NRG3: variants seen among roughly 807,000 people sequenced by gnomAD.
NRG3 encodes neuregulin 3, also known as pro-neuregulin-3, membrane-bound isoform.
Under a neutral mutation model 66.9 loss-of-function variants are expected in NRG3, and 31 were observed. The observed-to-expected ratio is 0.46, with a 90% confidence interval of 0.35 to 0.63. The LOEUF is 0.63. Among genes scored for constraint, NRG3 ranks in the 20% least tolerant of loss-of-function variants. NRG3 has a pLI of 0.00. For synonymous variants in NRG3, 393 were observed against 359.4 expected (o/e 1.09, Z -1.06); for missense variants, 910 against 878.9 (o/e 1.04, Z -0.45).
intron 2 of NRG3, among the ~76,000 whole-genome samples, chr10:82,718,909 T>C (rs1236482244): frequency 6.6e-6 from 1 of 152,216 alleles, no homozygotes; most frequent in Non-Finnish European, 1.5e-5. Context: ...TTTTTTTAGA[T>C]CGAGGTCTGG....
chr10:82,537,055 T>C (rs1847881146), intron 2 of NRG3, among the ~76,000 whole-genome samples: 1 of 152,028 alleles, frequency 6.6e-6, no homozygotes, highest in Non-Finnish European at 1.5e-5. Flanking sequence ...AGCATGACAC[T>C]GAAAATCTTC....
At chr10:81,920,050 G>A (rs1388730302) in intron 1 of NRG3, among the ~76,000 whole-genome samples, 1 of 152,184 alleles carries the variant, frequency 6.6e-6, no homozygotes, top group Non-Finnish European at 1.5e-5. Context: ...TGAATATCAA[G>A]TACCAGATGA....
intron 3 of NRG3, among the ~76,000 whole-genome samples, chr10:82,746,638 G>T (rs2058658185): frequency 6.6e-6 from 1 of 152,164 alleles, no homozygotes; most frequent in South Asian, 2.1e-4. Flanking sequence ...AATGGTTCTA[G>T]ATTATCTAAT....
At chr10:82,867,021 A>G (rs1840817105) in intron 4 of NRG3, among the ~76,000 whole-genome samples, 1 of 152,180 alleles carries the variant, frequency 6.6e-6, no homozygotes, top group Non-Finnish European at 1.5e-5. Flanking sequence ...CATTAATATG[A>G]TAAACTATAC....
intron 1 of NRG3, among the ~76,000 whole-genome samples, chr10:82,053,275 A>G (rs145233411): frequency 2.6e-5 from 4 of 152,272 alleles, no homozygotes; most frequent in Admixed American, 2.6e-4. Flanking sequence ...TCATTCATAT[A>G]AAGTCCAAAT....
Position 82,913,371 on chromosome 10 carries a change from CTTTA to C in NRG3, c.1055-38090_1055-38087del, listed in dbSNP as rs368394111. 3.6e-4 allele frequency among the ~76,000 whole-genome samples: 55 copies of C among 151,914 alleles called. No homozygotes were observed. The East Asian group carries it at 7.5e-3, about 21-fold the overall frequency. ...AAGAAAAATAAACATTTTATTTTAC[CTTTA>C]TTTATTTTTTTCTGTACCTCTCTCC... On this transcript the variant is annotated intron_variant, in intron 4 of 8. Transcript: ENST00000372141.
At chr10:82,700,640 T>C (rs1163913686) in intron 2 of NRG3, among the ~76,000 whole-genome samples, 2 of 152,150 alleles carry the variant, frequency 1.3e-5, no homozygotes, top group Non-Finnish European at 2.9e-5. Flanking sequence ...ATCATTTCTT[T>C]TTTTTAAAAC....
chr10:82,030,861 A>G (rs2062539005), intron 1 of NRG3, among the ~76,000 whole-genome samples: 1 of 152,152 alleles, frequency 6.6e-6, no homozygotes, highest in Non-Finnish European at 1.5e-5. Flanking sequence ...TCAATTCACT[A>G]GGAATGGGGA....
At chr10:81,950,997 A>T (rs1364219553) in intron 1 of NRG3, among the ~76,000 whole-genome samples, 2 of 152,136 alleles carry the variant, frequency 1.3e-5, no homozygotes, top group Non-Finnish European at 2.9e-5. Flanking sequence ...TGTTACTACT[A>T]ATTAGGGTGG....
intron 4 of NRG3, among the ~76,000 whole-genome samples, chr10:82,875,521 CT>C (rs1221096422): frequency 1.3e-5 from 2 of 152,070 alleles, no homozygotes; most frequent in African/African-American, 4.8e-5. Context: ...CCATGTGCAG[CT>C]AATTTTTTAT....
intron 1 of NRG3, among the ~76,000 whole-genome samples, chr10:81,893,829 G>T (rs1033820927): frequency 2.0e-5 from 3 of 152,138 alleles, no homozygotes; most frequent in African/African-American, 7.2e-5. Flanking sequence ...GGGCTTCACC[G>T]CAGGCAGTGA....
At chr10:82,065,710 GTGTCTCTAGATGGACCCTTGC>G (rs2064417022) in intron 1 of NRG3, among the ~76,000 whole-genome samples, 1 of 152,144 alleles carries the variant, frequency 6.6e-6, no homozygotes, top group Non-Finnish European at 1.5e-5. Context: ...AGTGTGTTCT[GTGTCTCTAGATGGACCCTTGC>G]AGGAGGAGGA....
chr10:81,922,885 G>A (rs941590719), intron 1 of NRG3, among the ~76,000 whole-genome samples: 6 of 152,172 alleles, frequency 3.9e-5, no homozygotes, highest in Non-Finnish European at 7.4e-5. Context: ...CATGGAGGGA[G>A]GATCTGTGGG....
At chr10:82,028,450 G>A (rs10884056) in intron 1 of NRG3, among the ~76,000 whole-genome samples, 32,493 of 151,900 alleles carry the variant, frequency 0.21, 3,656 homozygotes, top group East Asian at 0.41. Flanking sequence ...TTCTTATTGC[G>A]ACACTTCTTA....
At chr10:82,548,654 G>A (rs2044098974) in intron 2 of NRG3, among the ~76,000 whole-genome samples, 1 of 151,926 alleles carries the variant, frequency 6.6e-6, no homozygotes, top group Non-Finnish European at 1.5e-5. Context: ...GTGTTCAGGA[G>A]GAAGTCCAGT....
intron 2 of NRG3, among the ~76,000 whole-genome samples, chr10:82,644,512 T>G (rs1408288090): frequency 1.3e-5 from 2 of 152,152 alleles, no homozygotes; most frequent in African/African-American, 4.8e-5. Flanking sequence ...ACTCTCAAAA[T>G]GTTAAAGATT....
intron 1 of NRG3, among the ~76,000 whole-genome samples, chr10:82,228,211 G>C (rs760029378): frequency 1.3e-5 from 2 of 152,136 alleles, no homozygotes; most frequent in Non-Finnish European, 2.9e-5. Context: ...CAATACAATA[G>C]GAGTGAGTGA....
At chr10:82,047,706 A>C (rs2063373945) in intron 1 of NRG3, among the ~76,000 whole-genome samples, 2 of 151,672 alleles carry the variant, frequency 1.3e-5, no homozygotes, top group Admixed American at 6.6e-5. Context: ...TGAGCAAAAC[A>C]ACCAGCTAAC....
chr10:82,149,852 A>C (rs971838267), intron 1 of NRG3, among the ~76,000 whole-genome samples: 1 of 152,028 alleles, frequency 6.6e-6, no homozygotes, highest in African/African-American at 2.4e-5. Context: ...GTTCTGACTC[A>C]CTCATTAATT....
Sources: allele counts gnomAD v4.1 joint callset (sites outside exome capture counted in the v4.1 genomes callset), GRCh38; gene constraint gnomAD v4.1.1; transcripts MANE v1.5; gene names NCBI Gene and HGNC (gene_info 2026-07-23, HGNC 2026-07-21).